The following GRIK3 variants were observed in gnomAD, a reference collection of about 807,000 sequenced individuals.
GRIK3 encodes glutamate ionotropic receptor kainate type subunit 3.
In GRIK3, 29 loss-of-function variants were observed where a neutral mutation model predicts 102.5. The observed-to-expected ratio is 0.28, with a 90% CI of 0.21 to 0.39. The LOEUF (loss-of-function observed/expected upper bound fraction) is 0.39. Among genes scored for constraint, GRIK3 ranks in the 10% least tolerant of loss-of-function variants. GRIK3 has a pLI of 1.00. For synonymous variants in GRIK3, 511 were observed against 504.9 expected, an observed-to-expected ratio of 1.01 and a Z score of -0.16; for missense variants, 908 against 1,252.4, an observed-to-expected ratio of 0.73 and a Z score of 4.15.
At position 36,859,879 on chromosome 1, in the gene GRIK3, G is replaced by A. The variant is rs763214417; in HGVS notation, c.925C>T (p.Arg309Trp). ...WSMERLQAAP[R>W]SESGLLDGVM... The stretch of plus-strand genomic sequence containing the variant: ...CCATCCAGCAGGCCAGACTCGGACC[G>A]GGGAGCTGCCTGCAGCCGCTCCATG... Residue 309 changes from arginine (R) to tryptophan (W), a missense_variant, in exon 6 of 16, where the codon CGG becomes TGG. Around this residue, in one of 3 missense-constraint regions of GRIK3, gnomAD observed 585 missense variants for 824.9 expected, o/e 0.71. Coordinates refer to ENST00000373091, the MANE Select transcript of GRIK3 (RefSeq NM_000831.4). 9.9e-6 allele frequency: 16 copies of A among 1,613,582 alleles called. No homozygotes were observed. The highest frequency in any genetic ancestry group is 6.7e-5 in the Admixed American group (4 of 59,988).
chr1:36,953,080 C>G (rs1161590126), intron 1 of GRIK3, among the ~76,000 whole-genome samples: 1 of 152,196 alleles, frequency 6.6e-6, no homozygotes, highest in Non-Finnish European at 1.5e-5. Context: ...CTCAAGTGCC[C>G]TTTACTCATG....
intron 9 of GRIK3, among the ~76,000 whole-genome samples, chr1:36,845,880 T>C (rs527309378): frequency 1.4e-4 from 21 of 152,296 alleles, no homozygotes; most frequent in Non-Finnish European, 2.1e-4. Context: ...TGCTGGGTGC[T>C]GAGTGTTGGG....
At chr1:36,921,774 T>C (rs1410454319) in intron 1 of GRIK3, among the ~76,000 whole-genome samples, 1 of 152,156 alleles carries the variant, frequency 6.6e-6, no homozygotes. Context: ...TTAGATTTTA[T>C]GAAATCAAAG....
In GRIK3 at chr1:37,034,341, G is replaced by T. The variant is rs1642864327; in HGVS notation, c.-233C>A. On this transcript the variant is annotated 5_prime_UTR_variant, in exon 1 of 16. Transcript: ENST00000373091. Reference sequence around the variant, plus strand: ...CGCCCACGGGCTGCCCGCGAGCGAGGCTCCTGGGCTCCGCCCGGACTCCGC... The same window carrying T: ...CGCCCACGGGCTGCCCGCGAGCGAGTCTCCTGGGCTCCGCCCGGACTCCGC... Among the ~76,000 whole-genome samples, 1 of 150,316 alleles carries T rather than the reference G, an allele frequency of 6.7e-6. No individual in the cohort carries two copies. Among genetic ancestry groups the T allele is most frequent in the African/African-American group, 2.4e-5 (1 of 41,130 alleles).
rs771822673 is a variant in GRIK3 at position 36,859,994 on chromosome 1, C to G, written c.810G>C (p.Glu270Asp). The change falls in exon 6 of 16, where the codon GAG (glutamate) becomes GAC (aspartate). Residue 270 changes from glutamate (E) to aspartate (D), a missense_variant. Transcript: ENST00000373091. Reference sequence around the variant, plus strand: ...GGTTCACGCCTGAGTAGCGGTAGGGCTCCAGGTCTAAAGCGTAGAGATCCT... The same window carrying G: ...GGTTCACGCCTGAGTAGCGGTAGGGGTCCAGGTCTAAAGCGTAGAGATCCT... ...TTLDLYALDLEPYRYSGVNLT... is the reference protein window; with the variant it reads ...TTLDLYALDLDPYRYSGVNLT... 5.6e-6 allele frequency: 9 copies of G among 1,606,292 alleles called. No individual in the cohort carries two copies. The African/African-American group carries it at 1.2e-4, about 22-fold the overall frequency.
chr1:36,872,573 A>G lies in GRIK3; in HGVS notation c.551-204T>C, dbSNP rs1327450631. Among the ~76,000 whole-genome samples the G allele has an allele frequency of 6.6e-6, 1 of 152,200 alleles. No individual in the cohort carries two copies. The highest frequency in any genetic ancestry group is 1.5e-5 in the Non-Finnish European group (1 of 68,018). On this transcript the variant is annotated intron_variant, in intron 3 of 15. Transcript: ENST00000373091. The surrounding 1 kb of genome is among the most constrained non-coding windows in gnomAD (Gnocchi z 5.9). Reference sequence around the variant, plus strand: ...TGTGTGCACATACAAACACATGGCTACACGCACGTGCATGTCAATATGGGC... The same window carrying G: ...TGTGTGCACATACAAACACATGGCTGCACGCACGTGCATGTCAATATGGGC...
At chr1:36,963,167 C>T (rs765565609) in intron 1 of GRIK3, among the ~76,000 whole-genome samples, 5 of 152,172 alleles carry the variant, frequency 3.3e-5, no homozygotes, top group Non-Finnish European at 7.4e-5. Context: ...TCCCCATCTG[C>T]CTCTCCACAG....
intron 1 of GRIK3, among the ~76,000 whole-genome samples, chr1:36,893,429 T>C (rs978022160): frequency 1.4e-4 from 21 of 152,188 alleles, no homozygotes; most frequent in Non-Finnish European, 1.2e-4. Context: ...TATTAATGTA[T>C]GAAGAAGTGT....
rs965532590 is a variant in GRIK3 at position 36,880,502 on chromosome 1, G to A, written c.550+132C>T. 6 of 883,726 alleles carry A rather than the reference G, an allele frequency of 6.8e-6. No homozygotes were observed. Among genetic ancestry groups the A allele is most frequent in the Admixed American group, 3.9e-5 (2 of 51,224 alleles). 54.7% of individuals were successfully genotyped at this position (883,726 alleles called of 1,614,324 possible). On this transcript the variant is annotated intron_variant, in intron 3 of 15. Transcript: ENST00000373091. This position sits in a 1 kb window ranked among gnomAD's most constrained non-coding sequence, Gnocchi z 5.4. ...TGCAGGGGTGAACATCAGCATAACC[G>A]AGTGGAACTGGGGTATGGAACACAG...
In GRIK3 at chr1:36,834,532, T is replaced by C. The variant is rs59823447; in HGVS notation, c.1530+7204A>G. 8.5e-3 allele frequency among the ~76,000 whole-genome samples: 1,290 copies of C among 152,208 alleles called. 17 individuals are homozygous for C. Among genetic ancestry groups the C allele is most frequent in the African/African-American group, 0.03 (1,242 of 41,520 alleles). ...CAACCAGTGGGTCATGTCTCTGTGG[T>C]TGGCACACAGGCCTCCTGAGCTGAT... On this transcript the variant is annotated intron_variant, in intron 10 of 15. Transcript: ENST00000373091.
intron 7 of GRIK3, among the ~76,000 whole-genome samples, chr1:36,855,499 A>G (rs1339538804): frequency 6.6e-6 from 1 of 152,230 alleles, no homozygotes; most frequent in Non-Finnish European, 1.5e-5. Context: ...ATGCAAACTC[A>G]GGCAGTGGGG....
intron 1 of GRIK3, among the ~76,000 whole-genome samples, chr1:36,936,570 C>G (rs1570808309): frequency 6.6e-6 from 1 of 152,206 alleles, no homozygotes; most frequent in East Asian, 1.9e-4. Context: ...ATAGCACTGT[C>G]TGTCCTGCCC....
chr1:36,873,606 C>T (rs1640868262), intron 3 of GRIK3, among the ~76,000 whole-genome samples: 1 of 152,118 alleles, frequency 6.6e-6, no homozygotes, highest in East Asian at 1.9e-4. Flanking sequence ...GTGTCTGGTC[C>T]TGGTGACACA....
chr1:36,992,589 G>A (rs993000499), intron 1 of GRIK3, among the ~76,000 whole-genome samples: 16 of 152,332 alleles, frequency 1.1e-4, no homozygotes, highest in African/African-American at 3.8e-4. Context: ...CTAAGATGTA[G>A]AGAGGTGAAG....
At chr1:36,910,567 G>T (rs1009094090) in intron 1 of GRIK3, among the ~76,000 whole-genome samples, 9 of 152,198 alleles carry the variant, frequency 5.9e-5, no homozygotes, top group African/African-American at 2.2e-4. Flanking sequence ...AGCAGCAGTG[G>T]TGGGGGGGCG....
intron 1 of GRIK3, among the ~76,000 whole-genome samples, chr1:37,028,383 C>T (rs1642785252): frequency 6.6e-6 from 1 of 152,016 alleles, no homozygotes; most frequent in South Asian, 2.1e-4. Context: ...TAGATTAAAG[C>T]CTCAAGCAGA....
chr1:36,941,555 A>AG (rs779570004), intron 1 of GRIK3, among the ~76,000 whole-genome samples: 7 of 151,864 alleles, frequency 4.6e-5, no homozygotes, highest in East Asian at 3.9e-4. Flanking sequence ...AGTGGGGTGG[A>AG]GGGGGGGAGT....
intron 1 of GRIK3, among the ~76,000 whole-genome samples, chr1:36,893,558 A>G (rs1478619821): frequency 6.6e-6 from 1 of 152,198 alleles, no homozygotes; most frequent in East Asian, 1.9e-4. Flanking sequence ...GTGCGGGAAT[A>G]GTTGTTTAGA....
intron 1 of GRIK3, among the ~76,000 whole-genome samples, chr1:37,021,908 C>G (rs1406823000): frequency 1.3e-5 from 2 of 152,190 alleles, no homozygotes; most frequent in African/African-American, 4.8e-5. Context: ...AGGAAAGTCA[C>G]TACTCACTCA....
Sources: allele counts gnomAD v4.1 joint callset (sites outside exome capture counted in the v4.1 genomes callset), GRCh38; gene constraint gnomAD v4.1.1; regional missense constraint gnomAD v4.1.1; non-coding constraint Gnocchi (gnomAD v3.1); transcripts MANE v1.5; gene names NCBI Gene and HGNC (gene_info 2026-07-23, HGNC 2026-07-21).